KCNJ5: variants seen among roughly 807,000 people sequenced by gnomAD.
KCNJ5 encodes the protein potassium inwardly rectifying channel subfamily J member 5, also known as G protein-activated inward rectifier potassium channel 4.
KCNJ5 carries 12 observed loss-of-function variants against 20.2 expected under a neutral mutation model. The ratio of observed to expected loss-of-function variants is 0.59; its 90% CI spans 0.38 to 0.96. The LOEUF (loss-of-function observed/expected upper bound fraction) is 0.96. Ranked by LOEUF, KCNJ5 falls within the 40% of genes least tolerant of loss-of-function variation. The probability of loss-of-function intolerance (pLI) is 0.00; values close to 1 mark genes in which losing one functional copy is unlikely to be tolerated. For missense variants in KCNJ5, 449 were observed against 557.6 expected, an observed-to-expected ratio of 0.81 and a Z score of 1.96; for synonymous variants, 210 against 213.9, an observed-to-expected ratio of 0.98 and a Z score of 0.16.
intron 1 of KCNJ5, among the ~76,000 whole-genome samples, chr11:128,903,725 T>C (rs956195050): frequency 2.3e-4 from 35 of 152,162 alleles, no homozygotes; most frequent in African/African-American, 8.4e-4. Context: ...GGGGCAAGTA[T>C]TGTGCTTAGA....
At chr11:128,914,346 G>T (rs370695130) in intron 2 of KCNJ5, among the ~76,000 whole-genome samples, 1 of 152,146 alleles carries the variant, frequency 6.6e-6, no homozygotes. Flanking sequence ...CCGCTGCCCC[G>T]CTGCACCCCC....
In KCNJ5 at chr11:128,904,714, C is replaced by A. The variant is rs116826144; in HGVS notation, c.-10-6550C>A. On this transcript the variant is annotated intron_variant, in intron 1 of 2. Coordinates refer to ENST00000529694, the MANE Select transcript of KCNJ5 (RefSeq NM_000890.5). ...TCGACCTCCTTCTATCCCCAGAGCT[C>A]AACATAATTCAAACACCCAGTGGGT... 204 of 594,728 alleles carry A rather than the reference C, an allele frequency of 3.4e-4. 1 individual carries two copies. The highest frequency in any genetic ancestry group is 3.4e-3 in the African/African-American group (182 of 53,792). 36.8% of individuals were successfully genotyped at this position (594,728 alleles called of 1,614,324 possible). A position where few individuals can be genotyped will look rare whatever the true frequency, so the allele number is the denominator to read the frequency against.
At position 128,902,523 on chromosome 11, in the gene KCNJ5, T is replaced by C. The variant is rs1565545995; in HGVS notation, c.-10-8741T>C. 6 of 1,569,600 alleles carry C rather than the reference T, an allele frequency of 3.8e-6. No individual in the cohort carries two copies. The African/African-American group carries it at 8.1e-5, about 21-fold the overall frequency. On this transcript the variant is annotated intron_variant, in intron 1 of 2. Transcript: ENST00000529694. ...CAGCCGTCTGCATGGGGGAGGGGGC[T>C]GGGGAGCACAGGGCTATTGGCAAGG... is the stretch of plus-strand genomic sequence containing the variant.
At chr11:128,915,776 T>C (rs1383230344) in intron 2 of KCNJ5, among the ~76,000 whole-genome samples, 1 of 151,952 alleles carries the variant, frequency 6.6e-6, no homozygotes, top group Non-Finnish European at 1.5e-5. Flanking sequence ...AAGGAATGCA[T>C]GAATGTATGG....
chr11:128,909,495 G>A (rs956469416), intron 1 of KCNJ5, among the ~76,000 whole-genome samples: 13 of 152,240 alleles, frequency 8.5e-5, no homozygotes, highest in Admixed American at 2.0e-4. Flanking sequence ...GAGGTGCTCC[G>A]CTTAAGTATG....
chr11:128,892,526 C>A (rs1176879287), intron 1 of KCNJ5, among the ~76,000 whole-genome samples: 1 of 152,166 alleles, frequency 6.6e-6, no homozygotes, highest in Admixed American at 6.5e-5. Flanking sequence ...GTTCCAGGAG[C>A]CTTTTCAAAC....
intron 1 of KCNJ5, chr11:128,902,588 G>A (rs1328369547): frequency 1.2e-6 from 2 of 1,611,782 alleles, no homozygotes; most frequent in Non-Finnish European, 1.7e-6. Flanking sequence ...AGGCTGATGG[G>A]CACTGAGGGG....
Position 128,916,542 on chromosome 11 carries a change from C to G in KCNJ5, c.1071C>G (p.Thr357=), listed in dbSNP as rs1159900612. Residue 357 remains threonine, a synonymous_variant, in exon 3 of 3, where the codon ACC becomes ACG. Coordinates refer to ENST00000529694, the MANE Select transcript of KCNJ5 (RefSeq NM_000890.5). ...ACACCTTCCATGATACCTATGAGAC[C>G]AACACACCCAGCTGCTGTGCCAAGG... ...DYNTFHDTYE[T]NTPSCCAKEL... The G allele has an allele frequency of 6.2e-7, 1 of 1,614,128 alleles. No individual in the cohort carries two copies. The highest frequency in any genetic ancestry group is 1.1e-5 in the South Asian group (1 of 91,082).
At chr11:128,909,823 G>T (rs1486886328) in intron 1 of KCNJ5, 1 of 152,254 alleles carries the variant, frequency 6.6e-6, no homozygotes, top group African/African-American at 2.4e-5. Context: ...AGGGTTGAAA[G>T]ATAGTATCCC....
rs145132681 is a variant in KCNJ5 at position 128,895,600 on chromosome 11, G to T, written c.-11+3879G>T. ...CTTTGTGAAGTGTCCTTCTCCAGAA[G>T]AACTCCCTCAAAAATGAGTAGGGAG... On this transcript the variant is annotated intron_variant, in intron 1 of 2. Coordinates refer to ENST00000529694, the MANE Select transcript of KCNJ5 (RefSeq NM_000890.5). Among the ~76,000 whole-genome samples the T allele has an allele frequency of 8.4e-3, 1,286 of 152,340 alleles. 18 individuals carry two copies. Among genetic ancestry groups the T allele is most frequent in the African/African-American group, 0.03 (1,236 of 41,576 alleles).
intron 1 of KCNJ5, chr11:128,909,797 C>G (rs1182624424): frequency 2.0e-5 from 3 of 152,194 alleles, no homozygotes; most frequent in Non-Finnish European, 4.4e-5. Flanking sequence ...GGAAGACTTA[C>G]TTATAAAGAG....
intron 1 of KCNJ5, among the ~76,000 whole-genome samples, chr11:128,903,180 A>G (rs529567279): frequency 6.6e-6 from 1 of 152,286 alleles, no homozygotes; most frequent in Non-Finnish European, 1.5e-5. Flanking sequence ...ATGGGTTTGT[A>G]TATGTGCTTT....
chr11:128,900,170 C>A (rs1241327724), intron 1 of KCNJ5: 1 of 152,070 alleles, frequency 6.6e-6, no homozygotes, highest in Non-Finnish European at 1.5e-5. Context: ...TTTTAAATAC[C>A]ATCAAAATGG....
chr11:128,914,326 G>T (rs1944544797), intron 2 of KCNJ5, among the ~76,000 whole-genome samples: 1 of 152,224 alleles, frequency 6.6e-6, no homozygotes, highest in Admixed American at 6.5e-5. Flanking sequence ...GGGAGCCAGT[G>T]CTATCTGCCC....
At chr11:128,893,168 A>T (rs1944120768) in intron 1 of KCNJ5, among the ~76,000 whole-genome samples, 1 of 152,228 alleles carries the variant, frequency 6.6e-6, no homozygotes, top group Non-Finnish European at 1.5e-5. Flanking sequence ...ACTCTGGCAT[A>T]AAGAGTTTGG....
chr11:128,912,311 G>C, intron 2 of KCNJ5, 101 bp downstream of exon 2: 1 of 950,014 alleles, frequency 1.1e-6, no homozygotes, highest in Non-Finnish European at 1.7e-6. Flanking sequence ...TGAGAGTCCT[G>C]GGGTGGCGCA....
intron 1 of KCNJ5, chr11:128,900,440 A>G (rs1944255948): frequency 1.3e-5 from 2 of 152,226 alleles, no homozygotes; most frequent in Admixed American, 6.5e-5. Flanking sequence ...AAAATAATGC[A>G]TGAGGTTTTA....
At chr11:128,910,781 G>A (rs1202506420) in intron 1 of KCNJ5, among the ~76,000 whole-genome samples, 1 of 152,200 alleles carries the variant, frequency 6.6e-6, no homozygotes, top group Non-Finnish European at 1.5e-5. Context: ...CATTCTGATG[G>A]TGGGAGAGAG....
Position 128,916,989 on chromosome 11 carries a change from T to G in KCNJ5, c.*258T>G. The G allele has an allele frequency of 2.2e-6, 1 of 447,812 alleles. No homozygotes were observed. The highest frequency in any genetic ancestry group is 4.0e-6 in the Non-Finnish European group (1 of 251,072). 27.7% of individuals were successfully genotyped at this position (447,812 alleles called of 1,614,324 possible). ...GGCTAAGGGCCAGGCCAGGATGAGT[T>G]TCCCCATGGTGAATGTTACCGGATG... On this transcript the variant is annotated 3_prime_UTR_variant, in exon 3 of 3. Coordinates refer to ENST00000529694, the MANE Select transcript of KCNJ5 (RefSeq NM_000890.5).
Sources: gnomAD v4.1 joint callset for allele counts (sites outside exome capture counted in the v4.1 genomes callset) on GRCh38, gnomAD v4.1.1 for gene constraint, MANE v1.5 for transcripts, NCBI Gene and HGNC (gene_info 2026-07-23, HGNC 2026-07-21) for gene names.